Variants in GPBP1 observed in about 807,000 individuals in gnomAD.
The protein encoded by GPBP1 is vasculin.
In GPBP1, 13 loss-of-function variants were observed where a neutral mutation model predicts 56.5. The observed-to-expected ratio is 0.23, with a 90% CI of 0.15 to 0.37. GPBP1 has a LOEUF of 0.37. GPBP1 is among the 10% of genes least tolerant of loss of function. The probability of loss-of-function intolerance (pLI) is 1.00; values close to 1 mark genes in which losing one functional copy is unlikely to be tolerated. For synonymous variants in GPBP1, 204 were observed against 188.9 expected (o/e 1.08, Z -0.66); for missense variants, 477 against 572.3 (o/e 0.83, Z 1.70).
intron 2 of GPBP1, among the ~76,000 whole-genome samples, chr5:57,204,036 T>G (rs1755127089): frequency 6.6e-6 from 1 of 152,204 alleles, no homozygotes; most frequent in Non-Finnish European, 1.5e-5. Context: ...AAAACAGATT[T>G]CTATGCAATG....
intron 6 of GPBP1, chr5:57,237,036 A>T (rs1214708583): frequency 1.0e-6 from 1 of 999,854 alleles, no homozygotes; most frequent in Non-Finnish European, 1.6e-6. Flanking sequence ...GGGGGTGGTC[A>T]GACACTTTTG....
chr5:57,219,949 G>A (rs561025288), intron 3 of GPBP1, among the ~76,000 whole-genome samples: 83 of 151,904 alleles, frequency 5.5e-4, no homozygotes, highest in Non-Finnish European at 9.9e-4. Flanking sequence ...CTACTCGGGA[G>A]GCTGAGCAGG....
intron 2 of GPBP1, among the ~76,000 whole-genome samples, chr5:57,181,635 C>G (rs963650260): frequency 6.6e-6 from 1 of 151,964 alleles, no homozygotes; most frequent in African/African-American, 2.4e-5. Flanking sequence ...GGGAATACAT[C>G]TCTTTTCAAA....
At chr5:57,190,165 T>C (rs1754455663) in intron 2 of GPBP1, among the ~76,000 whole-genome samples, 1 of 131,138 alleles carries the variant, frequency 7.6e-6, no homozygotes, top group African/African-American at 2.6e-5. Context: ...AGCCTTACTT[T>C]TTTTTAGGGG....
chr5:57,226,845 T>G (rs1262859101), intron 3 of GPBP1, among the ~76,000 whole-genome samples: 1 of 148,440 alleles, frequency 6.7e-6, no homozygotes, highest in Non-Finnish European at 1.5e-5. Context: ...GTTCATGCCA[T>G]TCTCCTGCCT....
At chr5:57,185,539 G>T (rs1426198017) in intron 2 of GPBP1, among the ~76,000 whole-genome samples, 1 of 152,150 alleles carries the variant, frequency 6.6e-6, no homozygotes, top group African/African-American at 2.4e-5. Flanking sequence ...GCAGTGCTGG[G>T]ATTACAGGCG....
intron 1 of GPBP1, among the ~76,000 whole-genome samples, chr5:57,174,773 AC>A (rs1753723557): frequency 6.6e-6 from 1 of 152,216 alleles, no homozygotes; most frequent in African/African-American, 2.4e-5. Flanking sequence ...TCTTTGGTTT[AC>A]GAAAAGGGCC....
intron 2 of GPBP1, among the ~76,000 whole-genome samples, chr5:57,177,775 A>G (rs769128989): frequency 6.9e-6 from 1 of 144,702 alleles, no homozygotes. Context: ...TGCTGGGATT[A>G]TAGGCCTGAG....
chr5:57,237,259 T>G, intron 6 of GPBP1: 7 of 889,848 alleles, frequency 7.9e-6, no homozygotes, highest in South Asian at 1.5e-5. Flanking sequence ...ATAGAATCTC[T>G]AAGAAATTAG....
At chr5:57,236,946 A>G in intron 6 of GPBP1, 1 of 596,318 alleles carries the variant, frequency 1.7e-6, no homozygotes, top group East Asian at 2.8e-5. Context: ...GCTATATTGT[A>G]TGTATGAGGT....
At chr5:57,244,164 G>A (rs1216661083) in intron 6 of GPBP1, among the ~76,000 whole-genome samples, 1 of 152,048 alleles carries the variant, frequency 6.6e-6, no homozygotes. Flanking sequence ...TACCATATCT[G>A]GCATTTTCAA....
At chr5:57,261,532 A>T (rs1741892695) in intron 11 of GPBP1, among the ~76,000 whole-genome samples, 1 of 152,138 alleles carries the variant, frequency 6.6e-6, no homozygotes, top group Non-Finnish European at 1.5e-5. Flanking sequence ...GAACCACTGC[A>T]CCTGGTTGAA....
intron 9 of GPBP1, 31 bp from the exon 10 acceptor site, chr5:57,250,923 T>C: frequency 1.3e-5 from 4 of 297,646 alleles, no homozygotes; most frequent in Non-Finnish European, 1.8e-5. Flanking sequence ...GAACTCATTC[T>C]TTTTTTTTTT....
intron 5 of GPBP1, among the ~76,000 whole-genome samples, chr5:57,231,671 C>T (rs983550071): frequency 2.0e-5 from 3 of 152,104 alleles, no homozygotes; most frequent in Non-Finnish European, 2.9e-5. Flanking sequence ...CTAGTTCTTG[C>T]GATTCATTCT....
chr5:57,201,884 G>A (rs1214666613), intron 2 of GPBP1, among the ~76,000 whole-genome samples: 1 of 152,070 alleles, frequency 6.6e-6, no homozygotes, highest in Non-Finnish European at 1.5e-5. Context: ...TTGAGGTGGG[G>A]GTACCTGGGT....
intron 2 of GPBP1, among the ~76,000 whole-genome samples, chr5:57,197,447 C>T (rs1754816951): frequency 6.6e-6 from 1 of 150,968 alleles, no homozygotes; most frequent in Non-Finnish European, 1.5e-5. Flanking sequence ...CAACCTCCGC[C>T]TCCTGGTTCA....
intron 6 of GPBP1, 168 bp from the exon 7 acceptor site, chr5:57,246,132 G>A (rs1243608260): frequency 4.6e-5 from 23 of 503,304 alleles, no homozygotes; most frequent in Non-Finnish European, 8.1e-5. Context: ...AGCTTTACTT[G>A]TTCAATTGGA....
At chr5:57,227,355 C>G (rs1246136900) in intron 3 of GPBP1, among the ~76,000 whole-genome samples, 1 of 152,112 alleles carries the variant, frequency 6.6e-6, no homozygotes, top group East Asian at 1.9e-4. Context: ...GCATGAGCCA[C>G]CACACCTGGC....
intron 3 of GPBP1, among the ~76,000 whole-genome samples, chr5:57,217,349 G>A (rs1215112486): frequency 2.6e-5 from 4 of 151,928 alleles, no homozygotes; most frequent in Non-Finnish European, 5.9e-5. Flanking sequence ...GAGGCGGGCG[G>A]ATCACCTGAG....
Sources: gnomAD v4.1 joint callset for allele counts (sites outside exome capture counted in the v4.1 genomes callset) on GRCh38, gnomAD v4.1.1 for gene constraint, MANE v1.5 for transcripts, NCBI Gene and HGNC (gene_info 2026-07-23, HGNC 2026-07-21) for gene names.